NGF: variants seen among roughly 807,000 people sequenced by gnomAD.
The protein encoded by NGF is beta-nerve growth factor.
Under a neutral mutation model 12.8 loss-of-function variants are expected in NGF, and 4 were observed. That is an observed-to-expected ratio of 0.31 (90% CI 0.15 to 0.72). The LOEUF (loss-of-function observed/expected upper bound fraction) is 0.72, where lower values mean the gene tolerates loss of function less well. Among genes scored for constraint, NGF ranks in the 30% least tolerant of loss-of-function variants. The probability of loss-of-function intolerance (pLI) is 0.69; values close to 1 mark genes in which losing one functional copy is unlikely to be tolerated. For missense variants in NGF, 283 were observed against 330.8 expected, an observed-to-expected ratio of 0.86 and a Z score of 1.12; for synonymous variants, 140 against 130.0, an observed-to-expected ratio of 1.08 and a Z score of -0.52.
At chr1:115,292,724 C>T (rs1653742240) in intron 2 of NGF, among the ~76,000 whole-genome samples, 1 of 152,178 alleles carries the variant, frequency 6.6e-6, no homozygotes, top group Non-Finnish European at 1.5e-5. Context: ...CATCCCCCAA[C>T]ATCGAAATGA....
intron 2 of NGF, among the ~76,000 whole-genome samples, chr1:115,292,310 A>G (rs1389266976): frequency 6.6e-6 from 1 of 152,192 alleles, no homozygotes; most frequent in Non-Finnish European, 1.5e-5. Context: ...CCTAGAAGGT[A>G]CATCAGAGAT....
At chr1:115,324,690 C>A (rs1571094763) in intron 1 of NGF, among the ~76,000 whole-genome samples, 1 of 152,288 alleles carries the variant, frequency 6.6e-6, no homozygotes, top group African/African-American at 2.4e-5. Context: ...GGAAGCCCTT[C>A]TCCATTTTAG....
intron 1 of NGF, among the ~76,000 whole-genome samples, chr1:115,337,275 T>TGG (rs1655150263): frequency 1.5e-5 from 1 of 67,504 alleles, no homozygotes; most frequent in Non-Finnish European, 2.9e-5. Context: ...TTGTTTTTTT[T>TGG]TTTTTTTTTT....
chr1:115,330,056 C>T (rs1047246519), intron 1 of NGF, among the ~76,000 whole-genome samples: 2 of 152,062 alleles, frequency 1.3e-5, no homozygotes, highest in African/African-American at 4.8e-5. Context: ...ACCCGGCCTT[C>T]AACTTGTAAA....
At chr1:115,329,746 T>G (rs1174860881) in intron 1 of NGF, among the ~76,000 whole-genome samples, 1 of 72,546 alleles carries the variant, frequency 1.4e-5, no homozygotes, top group Non-Finnish European at 2.6e-5. Context: ...CTTTCTTTCT[T>G]TTTTTTTTTT....
At chr1:115,315,283 G>A (rs748059352) in intron 1 of NGF, among the ~76,000 whole-genome samples, 5 of 152,170 alleles carry the variant, frequency 3.3e-5, no homozygotes, top group Non-Finnish European at 5.9e-5. Context: ...CACACAATGG[G>A]GACCAAGAAG....
chr1:115,301,775 C>T (rs1203537866), intron 1 of NGF, among the ~76,000 whole-genome samples: 6 of 152,190 alleles, frequency 3.9e-5, no homozygotes, highest in African/African-American at 1.4e-4. Context: ...TCAGCCATGT[C>T]GCAGTCAGAG....
rs559154032 is a variant in NGF, at chr1:115,286,854, A to G, written c.-12-47T>C. ...GGTGACTTCATGGAGTACTAAATGC[A>G]GTCAAAAGGCAGTTTCTGGGTCCCT... is the stretch of plus-strand genomic sequence containing the variant. On this transcript the variant is annotated intron_variant, in intron 2 of 2. Coordinates refer to ENST00000369512, the MANE Select transcript of NGF (RefSeq NM_002506.3). 7.7e-5 allele frequency: 124 copies of G among 1,611,452 alleles called. No homozygotes were observed. In the African/African-American group the frequency reaches 1.6e-3, roughly 21 times the overall value.
intron 1 of NGF, among the ~76,000 whole-genome samples, chr1:115,299,996 G>GAAT (rs1280790775): frequency 3.9e-5 from 6 of 152,216 alleles, no homozygotes; most frequent in Non-Finnish European, 8.8e-5. Context: ...TGCAGACCTT[G>GAAT]AATGACCACC....
intron 1 of NGF, among the ~76,000 whole-genome samples, chr1:115,312,340 T>C (rs1474186669): frequency 2.0e-5 from 3 of 152,188 alleles, no homozygotes; most frequent in Non-Finnish European, 4.4e-5. Context: ...TCAACCAGTA[T>C]TCATTGGATG....
intron 1 of NGF, among the ~76,000 whole-genome samples, chr1:115,329,728 T>C (rs1392413090): frequency 6.6e-6 from 1 of 151,230 alleles, no homozygotes. Flanking sequence ...TATTTTGTTT[T>C]CTTTTTTCTT....
chr1:115,306,601 G>A (rs1425716036), intron 1 of NGF, among the ~76,000 whole-genome samples: 1 of 152,208 alleles, frequency 6.6e-6, no homozygotes, highest in Non-Finnish European at 1.5e-5. Context: ...AGTGAGTTGA[G>A]TAGATAGCTT....
At chr1:115,321,789 A>T (rs1239637747) in intron 1 of NGF, among the ~76,000 whole-genome samples, 1 of 152,192 alleles carries the variant, frequency 6.6e-6, no homozygotes, top group Admixed American at 6.5e-5. Context: ...TTCTTTTCCC[A>T]AAAGGCTAAA....
chr1:115,329,277 A>G (rs1337103862), intron 1 of NGF, among the ~76,000 whole-genome samples: 1 of 151,642 alleles, frequency 6.6e-6, no homozygotes, highest in Admixed American at 6.6e-5. Context: ...TACTTCACAG[A>G]TGTACTTCAT....
intron 1 of NGF, among the ~76,000 whole-genome samples, chr1:115,294,016 C>T (rs187245030): frequency 1.3e-5 from 2 of 152,326 alleles, no homozygotes; most frequent in East Asian, 1.9e-4. Flanking sequence ...TGATCTTGCA[C>T]CTAGTGCAGG....
chr1:115,319,405 A>C (rs1281091885), intron 1 of NGF, among the ~76,000 whole-genome samples: 1 of 152,160 alleles, frequency 6.6e-6, no homozygotes, highest in East Asian at 1.9e-4. Context: ...ACATGTGTAC[A>C]TGTACTCGCA....
chr1:115,322,644 A>C (rs1264374741), intron 1 of NGF, among the ~76,000 whole-genome samples: 1 of 152,118 alleles, frequency 6.6e-6, no homozygotes, highest in East Asian at 1.9e-4. Flanking sequence ...GATAACAACA[A>C]CTCTAAAGTT....
In NGF at chr1:115,337,267, G is replaced by GTTTGTTTGTTTTTTTTTTTTTT; in HGVS notation, c.-137+936_-137+937insAAAAAAAAAAAAAACAAACAAA. On this transcript the variant is annotated intron_variant, in intron 1 of 2. Transcript: ENST00000369512. ...TCGAAATTTTTTTTGTTTTGTTTTT[G>GTTTGTTTGTTTTTTTTTTTTTT]TTTTTTTTTTTTTTTTTTTTTTTTT... is the stretch of plus-strand genomic sequence containing the variant. 1.1e-4 allele frequency among the ~76,000 whole-genome samples: 9 copies of GTTTGTTTGTTTTTTTTTTTTTT among 81,030 alleles called. 2 individuals are homozygous for GTTTGTTTGTTTTTTTTTTTTTT. Among genetic ancestry groups the GTTTGTTTGTTTTTTTTTTTTTT allele is most frequent in the African/African-American group, 4.2e-4 (8 of 18,894 alleles). 53.2% of individuals were successfully genotyped at this position (81,030 alleles called of 152,430 possible).
At chr1:115,314,121 TG>T (rs1253935880) in intron 1 of NGF, among the ~76,000 whole-genome samples, 2 of 152,190 alleles carry the variant, frequency 1.3e-5, no homozygotes, top group African/African-American at 4.8e-5. Flanking sequence ...TCTGTAGAAG[TG>T]TAGCAGAAAT....
Sources: allele counts gnomAD v4.1 joint callset (sites outside exome capture counted in the v4.1 genomes callset), GRCh38; gene constraint gnomAD v4.1.1; transcripts MANE v1.5; gene names NCBI Gene and HGNC (gene_info 2026-07-23, HGNC 2026-07-21).